PCDHGB1: variants seen among roughly 807,000 people sequenced by gnomAD.
The protein encoded by PCDHGB1 is protocadherin gamma subfamily B, 1.
In PCDHGB1, 34 loss-of-function variants were observed where a neutral mutation model predicts 56.6. That is an observed-to-expected ratio of 0.60 (90% confidence interval 0.46 to 0.80). The LOEUF (loss-of-function observed/expected upper bound fraction) is 0.80, where lower values mean the gene tolerates loss of function less well. PCDHGB1 is among the 30% of genes least tolerant of loss of function. The probability of loss-of-function intolerance (pLI) is 0.00; values close to 1 mark genes in which losing one functional copy is unlikely to be tolerated. For synonymous variants in PCDHGB1, 561 were observed against 505.9 expected (o/e 1.11, Z -1.46); for missense variants, 1,278 against 1,204.6 (o/e 1.06, Z -0.90).
chr5:141,427,458 A>T (rs2097029342), intron 1 of PCDHGB1: 1 of 494,398 alleles, frequency 2.0e-6, no homozygotes, highest in African/African-American at 1.9e-5. Context: ...TCCTTTTAGA[A>T]TCGAATCTTC....
rs762738990 is a variant in PCDHGB1, at chr5:141,404,672, G to C, written c.2409+52003G>C. 8.0e-5 allele frequency: 129 copies of C among 1,614,038 alleles called. 1 individual carries two copies. The South Asian group carries it at 1.4e-3, about 18-fold the overall frequency. ...TGCCCTCCCCACTGATGGTTCTACT[G>C]GTGTGGAGCTGGCACCCCGCTCTGC... On this transcript the variant is annotated intron_variant, in intron 1 of 3. Coordinates refer to ENST00000523390, the MANE Select transcript of PCDHGB1 (RefSeq NM_018922.3).
At chr5:141,450,190 G>A (rs1368992094) in intron 1 of PCDHGB1, among the ~76,000 whole-genome samples, 1 of 151,588 alleles carries the variant, frequency 6.6e-6, no homozygotes, top group African/African-American at 2.4e-5. Flanking sequence ...GCTAATTTTT[G>A]TATTTTTAGT....
At chr5:141,405,339 A>G in intron 1 of PCDHGB1, 1 of 1,614,178 alleles carries the variant, frequency 6.2e-7, no homozygotes, top group Non-Finnish European at 8.5e-7. Context: ...GTCTCTGTTG[A>G]TTCCAAGTTT....
chr5:141,407,505 T>TTTTTTTTTTTTTTTTTTTTTTTTTTGAG (rs1460306566), intron 1 of PCDHGB1, among the ~76,000 whole-genome samples: 1 of 152,146 alleles, frequency 6.6e-6, no homozygotes, highest in Non-Finnish European at 1.5e-5. Context: ...CTGTTTTTCT[T>TTTTTTTTTTTTTTTTTTTTTTTTTTGAG]AGGCTATGTA....
intron 1 of PCDHGB1, chr5:141,362,674 AT>A: frequency 8.0e-7 from 1 of 1,246,856 alleles, no homozygotes; most frequent in Non-Finnish European, 1.1e-6. Flanking sequence ...TTGTGCCTTA[AT>A]TGTCTTAATC....
chr5:141,370,144 A>G (rs1427805269), intron 1 of PCDHGB1: 2 of 435,992 alleles, frequency 4.6e-6, no homozygotes, highest in Non-Finnish European at 4.0e-6. Flanking sequence ...TTTAGTCACC[A>G]TTACTGCAGT....
intron 1 of PCDHGB1, chr5:141,414,483 A>T (rs756254490): frequency 5.6e-6 from 9 of 1,613,826 alleles, no homozygotes; most frequent in Non-Finnish European, 6.8e-6. Flanking sequence ...GTCCTCCTCT[A>T]TCAACGGAAG....
chr5:141,439,697 A>T (rs2098127217), intron 1 of PCDHGB1, among the ~76,000 whole-genome samples: 1 of 152,218 alleles, frequency 6.6e-6, no homozygotes, highest in Non-Finnish European at 1.5e-5. Flanking sequence ...CAACATTCCT[A>T]TTATGGCTCC....
At chr5:141,379,679 T>C (rs561648427) in intron 1 of PCDHGB1, 1 of 152,142 alleles carries the variant, frequency 6.6e-6, no homozygotes, top group African/African-American at 2.4e-5. Flanking sequence ...CATTCACTCA[T>C]GTGGACTGAC....
In PCDHGB1 at chr5:141,408,035, C is replaced by T. The variant is rs886766467; in HGVS notation, c.2409+55366C>T. On this transcript the variant is annotated intron_variant, in intron 1 of 3. Transcript: ENST00000523390. ...CAGCCAACAACAGAAAGAAGAAAAC[C>T]AGCTCCCACACAGAGCCTCCCGGCT... 7.1e-6 allele frequency: 8 copies of T among 1,130,910 alleles called. No homozygotes were observed. The African/African-American group carries it at 7.8e-5, about 11-fold the overall frequency. 70.1% of individuals were successfully genotyped at this position (1,130,910 alleles called of 1,614,324 possible).
At chr5:141,418,536 C>G (rs1196331424) in intron 1 of PCDHGB1, 6 of 1,614,026 alleles carry the variant, frequency 3.7e-6, no homozygotes, top group South Asian at 1.1e-5. Flanking sequence ...AGCGGTACTG[C>G]TCAGATAAGA....
chr5:141,356,422 A>G (rs1310371925), intron 1 of PCDHGB1: 1 of 1,606,490 alleles, frequency 6.2e-7, no homozygotes, highest in Non-Finnish European at 8.5e-7. Context: ...GTTGACACAC[A>G]GAACACTGGA....
At chr5:141,380,165 G>C (rs900894194) in intron 1 of PCDHGB1, among the ~76,000 whole-genome samples, 2 of 152,092 alleles carry the variant, frequency 1.3e-5, no homozygotes, top group Non-Finnish European at 2.9e-5. Flanking sequence ...CTCTCAAAGG[G>C]CTGGGATTAC....
Position 141,352,155 on chromosome 5 carries a change from A to G in PCDHGB1, c.1895A>G (p.Asp632Gly). Residue 632 changes from aspartate (D) to glycine (G), a missense_variant, in exon 1 of 4, where the codon GAC becomes GGC. By Grantham distance (94) the Asp-to-Gly change is moderately conservative. Transcript: ENST00000523390. ...ACAGCGCGTGCCTTGGGCGACAGGGACGCGGCCCGCCAGCGCCTGCTGGTC... is the reference window on the plus strand; with the variant it reads ...ACAGCGCGTGCCTTGGGCGACAGGGGCGCGGCCCGCCAGCGCCTGCTGGTC... ...VRTARALGDR[D>G]AARQRLLVAV... The G allele has an allele frequency of 1.2e-6, 2 of 1,612,668 alleles. No individual in the cohort carries two copies. The highest frequency in any genetic ancestry group is 8.5e-7 in the Non-Finnish European group (1 of 1,179,532).
chr5:141,448,464 T>C lies in PCDHGB1; in HGVS notation c.2410-46343T>C, dbSNP rs186054602. Among the ~76,000 whole-genome samples the C allele has an allele frequency of 2.6e-3, 402 of 152,296 alleles. 10 individuals are homozygous for C. The highest frequency in any genetic ancestry group is 0.023 in the Admixed American group (357 of 15,282). ...CTGACTTCCATCCCTATCCTACTCCTATTCCACCCTTGCTTCCTCCTGTCC... is the reference window on the plus strand; with the variant it reads ...CTGACTTCCATCCCTATCCTACTCCCATTCCACCCTTGCTTCCTCCTGTCC... On this transcript the variant is annotated intron_variant, in intron 1 of 3. Transcript: ENST00000523390.
Position 141,427,654 on chromosome 5 carries a change from TCCACGTGGC to T in PCDHGB1, c.2410-67151_2410-67143del, listed in dbSNP as rs562748605. On this transcript the variant is annotated intron_variant, in intron 1 of 3. Coordinates refer to ENST00000523390, the MANE Select transcript of PCDHGB1 (RefSeq NM_018922.3). ...GTTTTCCACCAAGTCTCCTACGTGG[TCCACGTGGC>T]CGAAAACAACCTTCCCGGAGCCTCC... 2.0e-4 allele frequency: 148 copies of T among 727,622 alleles called. No individual in the cohort carries two copies. The African/African-American group carries it at 2.4e-3, about 12-fold the overall frequency. The allele number at this position is 727,622 out of a possible 1,614,324, so 45.1% of individuals were successfully genotyped here.
intron 1 of PCDHGB1, among the ~76,000 whole-genome samples, chr5:141,435,715 A>T (rs528951395): frequency 5.9e-5 from 9 of 152,210 alleles, no homozygotes; most frequent in Non-Finnish European, 1.0e-4. Context: ...ACAGACACTG[A>T]ATGCTAAAGT....
intron 1 of PCDHGB1, chr5:141,403,617 G>A (rs369607013): frequency 1.8e-4 from 288 of 1,613,738 alleles, no homozygotes; most frequent in East Asian, 1.0e-3. Context: ...GAGCCGCGTC[G>A]CTCCAGCACA....
chr5:141,381,625 G>C (rs1460922523), intron 1 of PCDHGB1, among the ~76,000 whole-genome samples: 1 of 152,172 alleles, frequency 6.6e-6, no homozygotes, highest in Non-Finnish European at 1.5e-5. Context: ...TAGGATCTCT[G>C]CAGATTTCTG....
Sources: allele counts gnomAD v4.1 joint callset (sites outside exome capture counted in the v4.1 genomes callset), GRCh38; gene constraint gnomAD v4.1.1; transcripts MANE v1.5; gene names NCBI Gene and HGNC (gene_info 2026-07-23, HGNC 2026-07-21).